SEMA3A: variants seen among roughly 807,000 people sequenced by gnomAD.
SEMA3A encodes the protein semaphorin 3A, also known as semaphorin-3A.
Under a neutral mutation model 97.9 loss-of-function variants are expected in SEMA3A, and 29 were observed. The observed-to-expected ratio is 0.30, with a 90% CI of 0.22 to 0.40. The LOEUF is 0.40. Ranked by LOEUF, SEMA3A falls within the 10% of genes least tolerant of loss-of-function variation. The pLI is 1.00. For synonymous variants in SEMA3A, 321 were observed against 323.7 expected (o/e 0.99, Z 0.09); for missense variants, 763 against 951.3 (o/e 0.80, Z 2.60).
At chr7:84,126,636 G>A (rs1795806327) in intron 3 of SEMA3A, among the ~76,000 whole-genome samples, 1 of 152,042 alleles carries the variant, frequency 6.6e-6, no homozygotes, top group East Asian at 1.9e-4. Flanking sequence ...TCATCCTCAG[G>A]TATTATCTCA....
At chr7:84,402,626 G>C (rs1002195719) in intron 1 of SEMA3A, among the ~76,000 whole-genome samples, 2 of 152,010 alleles carry the variant, frequency 1.3e-5, no homozygotes, top group African/African-American at 4.8e-5. Flanking sequence ...AGATAATGTG[G>C]TGTATGTACA....
intron 2 of SEMA3A, among the ~76,000 whole-genome samples, chr7:84,313,834 T>C (rs977029611): frequency 1.3e-5 from 2 of 152,026 alleles, no homozygotes; most frequent in African/African-American, 4.8e-5. Flanking sequence ...CATAGTTCTT[T>C]GGGAATAAAT....
At chr7:84,215,436 C>A (rs1798728367) in intron 3 of SEMA3A, among the ~76,000 whole-genome samples, 1 of 152,088 alleles carries the variant, frequency 6.6e-6, no homozygotes, top group Non-Finnish European at 1.5e-5. Flanking sequence ...GATCCGCCCC[C>A]CCCTTGGCCT....
At position 83,965,015 on chromosome 7, in the gene SEMA3A, A is replaced by G. The variant is rs73394448; in HGVS notation, c.1718-1668T>C. On this transcript the variant is annotated intron_variant, in intron 15 of 16. Coordinates refer to ENST00000265362, the MANE Select transcript of SEMA3A (RefSeq NM_006080.3). ...CTGTAATTCAGGAGCTACCTGAATA[A>G]TTAGAATGCATTGTCACAGAAGTTA... Among the ~76,000 whole-genome samples the G allele has an allele frequency of 6.4e-3, 980 of 152,332 alleles. 7 individuals are homozygous for G. The highest frequency in any genetic ancestry group is 0.022 in the African/African-American group (912 of 41,574).
At chr7:84,231,866 C>T in intron 3 of SEMA3A, among the ~76,000 whole-genome samples, 1 of 151,784 alleles carries the variant, frequency 6.6e-6, no homozygotes, top group South Asian at 2.1e-4. Context: ...ATAGCTCTTC[C>T]ACTTTGGGAA....
chr7:84,434,368 T>C (rs1188858997), intron 1 of SEMA3A, among the ~76,000 whole-genome samples: 2 of 151,896 alleles, frequency 1.3e-5, no homozygotes, highest in Non-Finnish European at 2.9e-5. Flanking sequence ...GAATCAGTAG[T>C]AAAAAATCTA....
intron 2 of SEMA3A, among the ~76,000 whole-genome samples, chr7:84,334,093 A>C (rs1474579308): frequency 6.6e-6 from 1 of 152,180 alleles, no homozygotes; most frequent in Admixed American, 6.5e-5. Context: ...TCTAAAATGC[A>C]ATAAGTCATC....
At chr7:84,373,694 T>C (rs867876055) in intron 1 of SEMA3A, among the ~76,000 whole-genome samples, 2 of 152,216 alleles carry the variant, frequency 1.3e-5, no homozygotes, top group African/African-American at 4.8e-5. Flanking sequence ...CCAAATGTGC[T>C]ACATATATTT....
At chr7:84,221,905 T>A (rs1416168091) in intron 3 of SEMA3A, among the ~76,000 whole-genome samples, 1 of 151,972 alleles carries the variant, frequency 6.6e-6, no homozygotes, top group Non-Finnish European at 1.5e-5. Context: ...ATCTATAGAC[T>A]TTCTCTATGC....
At chr7:84,184,798 C>A (rs1797829724) in intron 1 of SEMA3A, among the ~76,000 whole-genome samples, 1 of 152,014 alleles carries the variant, frequency 6.6e-6, no homozygotes, top group Admixed American at 6.6e-5. Context: ...AGGTCCAGAG[C>A]CAATATAATG....
intron 9 of SEMA3A, 53 bp downstream of exon 9, chr7:84,010,969 G>C (rs2116412398): frequency 1.5e-6 from 2 of 1,336,628 alleles, no homozygotes; most frequent in South Asian, 2.6e-5. Context: ...TGAGTACTTG[G>C]ATAGCACCTA....
At chr7:84,104,159 G>T (rs2115912280) in intron 4 of SEMA3A, among the ~76,000 whole-genome samples, 1 of 152,164 alleles carries the variant, frequency 6.6e-6, no homozygotes, top group South Asian at 2.1e-4. Flanking sequence ...GGTGAATCAA[G>T]AAGTCATTCA....
rs189950788 is a variant in SEMA3A at position 84,015,016 on chromosome 7, T to C, written c.668-665A>G. On this transcript the variant is annotated intron_variant, in intron 6 of 16. Coordinates refer to ENST00000265362, the MANE Select transcript of SEMA3A (RefSeq NM_006080.3). ...CTATTGCCAATCTGAATTATTAAAATAGATTCCTAACTAGTTTCTTAGTTT... is the reference window on the plus strand; with the variant it reads ...CTATTGCCAATCTGAATTATTAAAACAGATTCCTAACTAGTTTCTTAGTTT... 4.8e-3 allele frequency among the ~76,000 whole-genome samples: 731 copies of C among 152,278 alleles called. 15 individuals are homozygous for C. The highest frequency in any genetic ancestry group is 5.1e-3 in the Non-Finnish European group (350 of 68,010).
chr7:83,968,279 C>T (rs970830952), intron 15 of SEMA3A, among the ~76,000 whole-genome samples: 1 of 152,218 alleles, frequency 6.6e-6, no homozygotes, highest in Non-Finnish European at 1.5e-5. Flanking sequence ...ATGTTAATCA[C>T]ATCGGACAGT....
intron 1 of SEMA3A, among the ~76,000 whole-genome samples, chr7:84,415,602 T>A (rs551839021): frequency 6.6e-6 from 1 of 152,182 alleles, no homozygotes; most frequent in Admixed American, 6.6e-5. Context: ...ACCTGATGAA[T>A]CTAGATAATG....
chr7:84,424,078 T>C (rs1386188036), intron 1 of SEMA3A, among the ~76,000 whole-genome samples: 2 of 151,392 alleles, frequency 1.3e-5, no homozygotes, highest in Non-Finnish European at 2.9e-5. Context: ...TGGAAAACAG[T>C]ATGAAAGTTT....
At chr7:84,296,198 TG>T (rs1475045401) in intron 3 of SEMA3A, among the ~76,000 whole-genome samples, 1 of 152,126 alleles carries the variant, frequency 6.6e-6, no homozygotes, top group Non-Finnish European at 1.5e-5. Context: ...TATTTTTTTT[TG>T]TGGTGGTGCT....
chr7:84,084,298 G>A (rs1464887044), intron 4 of SEMA3A, among the ~76,000 whole-genome samples: 1 of 151,860 alleles, frequency 6.6e-6, no homozygotes, highest in Non-Finnish European at 1.5e-5. Flanking sequence ...TTTTTACTTA[G>A]TCTTTGAAAT....
chr7:84,055,385 G>T (rs1340163192), intron 5 of SEMA3A, among the ~76,000 whole-genome samples: 1 of 152,226 alleles, frequency 6.6e-6, no homozygotes, highest in African/African-American at 2.4e-5. Context: ...CTCCCAGCCA[G>T]GTGTGGGATA....
Sources: gnomAD v4.1 joint callset for allele counts (sites outside exome capture counted in the v4.1 genomes callset) on GRCh38, gnomAD v4.1.1 for gene constraint, MANE v1.5 for transcripts, NCBI Gene and HGNC (gene_info 2026-07-23, HGNC 2026-07-21) for gene names.